ZCCHC7: variants seen among roughly 807,000 people sequenced by gnomAD.
The protein encoded by ZCCHC7 is zinc finger CCHC domain-containing protein 7.
A neutral mutation model predicts 52.0 loss-of-function variants in ZCCHC7; 35 were observed. The ratio of observed to expected loss-of-function variants is 0.67; its 90% CI spans 0.51 to 0.89. The LOEUF (loss-of-function observed/expected upper bound fraction) is 0.89. ZCCHC7 is among the 40% of genes least tolerant of loss of function. The pLI is 0.00. For synonymous variants in ZCCHC7, 217 were observed against 221.5 expected, an observed-to-expected ratio of 0.98 and a Z score of 0.18; for missense variants, 574 against 649.1, an observed-to-expected ratio of 0.88 and a Z score of 1.26.
At chr9:37,352,511 C>CTTTTTTTT (rs869266535) in intron 7 of ZCCHC7, among the ~76,000 whole-genome samples, 1,110 of 81,520 alleles carry the variant, frequency 0.014, 146 homozygotes, top group African/African-American at 0.058. Context: ...ACAATTTGCT[C>CTTTTTTTT]TTTTTTTTTT....
At chr9:37,143,864 A>G (rs554345556) in intron 2 of ZCCHC7, among the ~76,000 whole-genome samples, 2 of 151,858 alleles carry the variant, frequency 1.3e-5, no homozygotes, top group Non-Finnish European at 2.9e-5. Flanking sequence ...TGATTTTATT[A>G]ATATGTAAAC....
chr9:37,221,416 T>C (rs1375305408), intron 2 of ZCCHC7, among the ~76,000 whole-genome samples: 2 of 152,138 alleles, frequency 1.3e-5, no homozygotes, highest in Admixed American at 1.3e-4. Flanking sequence ...AATATTTGAA[T>C]AAACAATGGC....
At chr9:37,148,260 A>G (rs1241357117) in intron 2 of ZCCHC7, among the ~76,000 whole-genome samples, 2 of 152,112 alleles carry the variant, frequency 1.3e-5, no homozygotes, top group Admixed American at 1.3e-4. Context: ...GCTGGTACTT[A>G]CAAAGATGAA....
chr9:37,150,175 G>T (rs1472173080), intron 2 of ZCCHC7, among the ~76,000 whole-genome samples: 1 of 152,182 alleles, frequency 6.6e-6, no homozygotes, highest in Non-Finnish European at 1.5e-5. Flanking sequence ...GGAGAAGGGA[G>T]TTAGAGAGGA....
At chr9:37,219,737 A>G (rs1371602760) in intron 2 of ZCCHC7, among the ~76,000 whole-genome samples, 5 of 152,250 alleles carry the variant, frequency 3.3e-5, no homozygotes, top group Admixed American at 6.5e-5. Context: ...ATTTAGAATC[A>G]TGTGAGTCCA....
At chr9:37,181,855 T>C (rs913137257) in intron 2 of ZCCHC7, among the ~76,000 whole-genome samples, 1 of 152,184 alleles carries the variant, frequency 6.6e-6, no homozygotes, top group African/African-American at 2.4e-5. Flanking sequence ...TTTATAAATT[T>C]TTAAAAAAAA....
At chr9:37,254,745 T>G (rs1282220450) in intron 2 of ZCCHC7, among the ~76,000 whole-genome samples, 1 of 151,936 alleles carries the variant, frequency 6.6e-6, no homozygotes, top group African/African-American at 2.4e-5. Context: ...TTTTAGATTT[T>G]GGATTTTTTC....
chr9:37,153,291 C>G (rs1283474110), intron 2 of ZCCHC7, among the ~76,000 whole-genome samples: 1 of 152,032 alleles, frequency 6.6e-6, no homozygotes, highest in African/African-American at 2.4e-5. Context: ...CTGCCTCAGC[C>G]TCCCAAGTAG....
chr9:37,267,864 C>T (rs545211283), intron 2 of ZCCHC7, among the ~76,000 whole-genome samples: 16 of 152,154 alleles, frequency 1.1e-4, no homozygotes, highest in South Asian at 8.3e-4. Flanking sequence ...CCACCGCGCC[C>T]GGCCTAATTT....
chr9:37,273,371 C>T (rs1000816341), intron 2 of ZCCHC7, among the ~76,000 whole-genome samples: 10 of 152,068 alleles, frequency 6.6e-5, no homozygotes, highest in African/African-American at 2.2e-4. Flanking sequence ...GGCATGGTGG[C>T]GGGTGCCTGT....
At chr9:37,151,970 T>C (rs1356277713) in intron 2 of ZCCHC7, among the ~76,000 whole-genome samples, 1 of 152,118 alleles carries the variant, frequency 6.6e-6, no homozygotes, top group African/African-American at 2.4e-5. Flanking sequence ...TCACACAAAG[T>C]AAAAAGTCTC....
intron 6 of ZCCHC7, among the ~76,000 whole-genome samples, chr9:37,343,588 TAAAG>T (rs1212018391): frequency 6.6e-6 from 1 of 152,214 alleles, no homozygotes; most frequent in Non-Finnish European, 1.5e-5. Context: ...ATTTAGGCAA[TAAAG>T]TAACTAAATT....
intron 2 of ZCCHC7, among the ~76,000 whole-genome samples, chr9:37,272,126 A>G (rs1203832662): frequency 6.6e-6 from 1 of 152,242 alleles, no homozygotes; most frequent in Non-Finnish European, 1.5e-5. Context: ...AGTGTCATTA[A>G]TGATTTTATC....
At chr9:37,338,350 T>G (rs1387488038) in intron 6 of ZCCHC7, among the ~76,000 whole-genome samples, 1 of 152,198 alleles carries the variant, frequency 6.6e-6, no homozygotes, top group African/African-American at 2.4e-5. Flanking sequence ...ACCAATAATT[T>G]ATATCTATTT....
At chr9:37,153,685 T>C (rs1296885815) in intron 2 of ZCCHC7, among the ~76,000 whole-genome samples, 1 of 152,068 alleles carries the variant, frequency 6.6e-6, no homozygotes, top group Non-Finnish European at 1.5e-5. Flanking sequence ...GTGTTTCTTT[T>C]CTTTTTTAAA....
chr9:37,316,539 G>A (rs1371754306), intron 5 of ZCCHC7, among the ~76,000 whole-genome samples: 1 of 151,498 alleles, frequency 6.6e-6, no homozygotes, highest in Non-Finnish European at 1.5e-5. Flanking sequence ...TGTCCAGGCT[G>A]GTCTCGAACT....
At chr9:37,349,104 C>G (rs1220489378) in intron 6 of ZCCHC7, among the ~76,000 whole-genome samples, 1 of 152,140 alleles carries the variant, frequency 6.6e-6, no homozygotes, top group Non-Finnish European at 1.5e-5. Context: ...GGATACCGAA[C>G]ACAGTACTTG....
At chr9:37,331,742 G>A (rs1830458093) in intron 6 of ZCCHC7, among the ~76,000 whole-genome samples, 3 of 151,548 alleles carry the variant, frequency 2.0e-5, no homozygotes, top group Non-Finnish European at 4.4e-5. Context: ...TGGTTAATTG[G>A]ATATATGTTG....
At chr9:37,188,469 C>T (rs1822785367) in intron 2 of ZCCHC7, among the ~76,000 whole-genome samples, 1 of 148,700 alleles carries the variant, frequency 6.7e-6, no homozygotes, top group Non-Finnish European at 1.5e-5. Flanking sequence ...GTTGGTCTCT[C>T]CTCTCATCTT....
Sources: gnomAD v4.1 joint callset for allele counts (sites outside exome capture counted in the v4.1 genomes callset) on GRCh38, gnomAD v4.1.1 for gene constraint, MANE v1.5 for transcripts, NCBI Gene and HGNC (gene_info 2026-07-23, HGNC 2026-07-21) for gene names.